The following SIRT4 variants were observed in gnomAD, a reference collection of about 807,000 sequenced individuals.
The protein encoded by SIRT4 is NAD-dependent protein lipoamidase sirtuin-4, mitochondrial.
SIRT4 carries 23 observed loss-of-function variants against 26.1 expected under a neutral mutation model. The observed-to-expected ratio is 0.88, with a 90% CI of 0.63 to 1.25. The LOEUF is 1.25. SIRT4 is among the 50% of genes most tolerant of loss of function. SIRT4 has a pLI of 0.00. For missense variants in SIRT4, 361 were observed against 405.4 expected (o/e 0.89, Z 0.94); for synonymous variants, 155 against 158.4 (o/e 0.98, Z 0.16).
intron 2 of SIRT4, among the ~76,000 whole-genome samples, chr12:120,308,450 G>A (rs575687525): frequency 1.1e-3 from 165 of 152,288 alleles, no homozygotes; most frequent in Non-Finnish European, 1.9e-3. Context: ...TGGGATTACA[G>A]GCGTGAGCCA....
intron 2 of SIRT4, among the ~76,000 whole-genome samples, chr12:120,305,751 G>A (rs370721503): frequency 2.2e-3 from 341 of 152,308 alleles, no homozygotes; most frequent in African/African-American, 7.3e-3. Context: ...GGCGGCTCAC[G>A]CCTGTAATCC....
At chr12:120,293,060 A>AC in the SIRT4 span, 1 of 136,008 alleles carries the variant, frequency 7.4e-6, no homozygotes, top group African/African-American at 2.7e-5. Flanking sequence ...CACACACACA[A>AC]AAAAAGCCTC....
the SIRT4 span, chr12:120,293,311 T>A: frequency 4.6e-5 from 7 of 152,242 alleles, no homozygotes; most frequent in African/African-American, 1.7e-4. Flanking sequence ...TTAGGGCCTA[T>A]GGAAAAATCT....
At chr12:120,295,088 C>G in the SIRT4 span, among the ~76,000 whole-genome samples, 66 of 152,124 alleles carry the variant, frequency 4.3e-4, no homozygotes, top group Middle Eastern at 3.4e-3. Context: ...GCCTCAGCCT[C>G]CCAAAGTGCT....
the SIRT4 span, chr12:120,293,107 G>T: frequency 1.1e-4 from 16 of 152,056 alleles, no homozygotes; most frequent in African/African-American, 3.1e-4. Context: ...TCTCCGTAGA[G>T]ACTGTCAAAA....
rs930450903 is a variant in SIRT4 at position 120,310,193 on chromosome 12, G to T, written c.498-2263G>T. 3.3e-5 allele frequency among the ~76,000 whole-genome samples: 5 copies of T among 151,672 alleles called. No homozygotes were observed. The East Asian group carries it at 9.8e-4, about 30-fold the overall frequency. ...GTCTGTAGTCTCAGCACTTTGGGAG[G>T]CCGAGGTGGGCAGATCACAAAAATT... On this transcript the variant is annotated intron_variant, in intron 2 of 3. Coordinates refer to ENST00000202967, the MANE Select transcript of SIRT4 (RefSeq NM_012240.3).
At chr12:120,310,684 T>G (rs992181660) in intron 2 of SIRT4, among the ~76,000 whole-genome samples, 3 of 151,100 alleles carry the variant, frequency 2.0e-5, no homozygotes, top group African/African-American at 4.9e-5. Flanking sequence ...TGCAGTGAGC[T>G]ATGATCATGC....
upstream of SIRT4, among the ~76,000 whole-genome samples, chr12:120,297,756 G>A (rs932356346): frequency 6.6e-6 from 1 of 151,992 alleles, no homozygotes; most frequent in African/African-American, 2.4e-5. Flanking sequence ...AATAACCTAG[G>A]TTTGAACTTT....
At chr12:120,293,225 A>C in the SIRT4 span, 13 of 152,332 alleles carry the variant, frequency 8.5e-5, no homozygotes, top group South Asian at 2.1e-4. Context: ...CGATACTGCC[A>C]CTGCGCAAAG....
the SIRT4 span, among the ~76,000 whole-genome samples, chr12:120,294,614 G>A: frequency 1.3e-5 from 2 of 152,014 alleles, no homozygotes; most frequent in Non-Finnish European, 2.9e-5. Context: ...GAATGCAGTG[G>A]CGCGATCTCA....
Position 120,303,661 on chromosome 12 carries a change from C to T in SIRT4, c.100C>T (p.Pro34Ser), listed in dbSNP as rs776399992. ...CSKASIGLFVPASPPLDPEKV... is the reference protein window; with the variant it reads ...CSKASIGLFVSASPPLDPEKV... ...GAAAGCCTCCATTGGGTTATTTGTG[C>T]CAGCAAGTCCTCCTCTGGACCCTGA... Residue 34 changes from proline (P) to serine (S), a missense_variant, in exon 2 of 4, where the codon CCA becomes TCA. Transcript: ENST00000202967. 6.2e-7 allele frequency: 1 copy of T among 1,614,112 alleles called. No homozygotes were observed. Among genetic ancestry groups the T allele is most frequent in the Non-Finnish European group, 8.5e-7 (1 of 1,180,032 alleles).
At position 120,304,031 on chromosome 12, in the gene SIRT4, T is replaced by A. The variant is rs1274900582; in HGVS notation, c.470T>A (p.Leu157Gln). The stretch of plus-strand genomic sequence containing the variant: ...CACACCAAGGCGGGGAGTCGGCGCC[T>A]GACAGAGCTCCACGGATGCATGGAC... ...ALHTKAGSRR[L>Q]TELHGCMDRV... The change falls in exon 2 of 4, where the codon CTG becomes CAG. Residue 157 changes from leucine (L) to glutamine (Q), a missense_variant. By Grantham distance (113) the Leu-to-Gln change is moderately radical. Coordinates refer to ENST00000202967, the MANE Select transcript of SIRT4 (RefSeq NM_012240.3). 3.1e-6 allele frequency: 5 copies of A among 1,610,144 alleles called. No homozygotes were observed. In the African/African-American group the frequency reaches 6.7e-5, roughly 21 times the overall value.
At chr12:120,298,522 G>A (rs140672423), upstream of SIRT4, among the ~76,000 whole-genome samples, 1,043 of 152,092 alleles carry the variant, frequency 6.9e-3, 14 homozygotes, top group African/African-American at 0.024. Flanking sequence ...AGTCCAAGAG[G>A]TTGAGGCTGT....
intron 2 of SIRT4, among the ~76,000 whole-genome samples, chr12:120,310,893 G>A (rs1872935132): frequency 6.6e-6 from 1 of 150,828 alleles, no homozygotes; most frequent in African/African-American, 2.4e-5. Flanking sequence ...CCGCCACCAC[G>A]GCCGGCTAAT....
chr12:120,291,891 A>AT, the SIRT4 span: 1 of 152,156 alleles, frequency 6.6e-6, no homozygotes, highest in Non-Finnish European at 1.5e-5. Flanking sequence ...CGATACTGCC[A>AT]CTGCGCAAAG....
At chr12:120,296,223 A>G in the SIRT4 span, among the ~76,000 whole-genome samples, 1 of 146,004 alleles carries the variant, frequency 6.8e-6, no homozygotes, top group Non-Finnish European at 1.5e-5. Context: ...CAAAAATGAC[A>G]TTTTTTTTTT....
chr12:120,301,129 G>A (rs1437229171), upstream of SIRT4, among the ~76,000 whole-genome samples: 2 of 152,210 alleles, frequency 1.3e-5, no homozygotes, highest in East Asian at 1.9e-4. Flanking sequence ...GGCAGATCAC[G>A]AGGTCAGGAG....
In SIRT4 at chr12:120,303,767, C is replaced by A; in HGVS notation, c.206C>A (p.Ser69Ter). 6.2e-7 allele frequency: 1 copy of A among 1,614,108 alleles called. No homozygotes were observed. The highest frequency in any genetic ancestry group is 1.3e-5 in the African/African-American group (1 of 75,028). Residue 69 changes from serine (S) to a stop codon, truncating the protein, a stop_gained, in exon 2 of 4, where the codon TCG becomes TAG. Coordinates refer to ENST00000202967, the MANE Select transcript of SIRT4 (RefSeq NM_012240.3). LOFTEE classifies it high-confidence loss of function. ...ACTGGGGCAGGAATCTCCACCGAAT[C>A]GGGGATACCAGACTACAGGTCAGAA... The part of the protein sequence containing the change: ...VMTGAGISTE[S>*]GIPDYRSEKV...
rs1278796320 is a variant in SIRT4 at position 120,303,813 on chromosome 12, C to T, written c.252C>T (p.Arg84=). 6.2e-7 allele frequency: 1 copy of T among 1,614,136 alleles called. No homozygotes were observed. The highest frequency in any genetic ancestry group is 2.2e-5 in the East Asian group (1 of 44,890). Residue 84 remains arginine (R), a synonymous_variant, in exon 2 of 4, where the codon CGC becomes CGT. Transcript: ENST00000202967. Reference sequence around the variant, plus strand: ...CAGAAAAAGTGGGGCTTTATGCCCGCACTGACCGCAGGCCCATCCAGCATG... The same window carrying T: ...CAGAAAAAGTGGGGCTTTATGCCCGTACTGACCGCAGGCCCATCCAGCATG... ...YRSEKVGLYA[R]TDRRPIQHGD... is the part of the protein sequence containing the mutation.
Sources: allele counts gnomAD v4.1 joint callset (sites outside exome capture counted in the v4.1 genomes callset), GRCh38; gene constraint gnomAD v4.1.1; transcripts MANE v1.5; gene names NCBI Gene and HGNC (gene_info 2026-07-23, HGNC 2026-07-21).